The following CNTNAP2 variants were observed in gnomAD, a reference collection of about 807,000 sequenced individuals.
CNTNAP2 encodes contactin associated protein 2, also known as contactin-associated protein-like 2.
A neutral mutation model predicts 155.2 loss-of-function variants in CNTNAP2; 98 were observed. The ratio of observed to expected loss-of-function variants is 0.63; its 90% CI spans 0.54 to 0.75. The LOEUF is 0.75. Among genes scored for constraint, CNTNAP2 ranks in the 30% least tolerant of loss-of-function variants. The pLI, the probability that CNTNAP2 is intolerant of heterozygous loss-of-function variation, is 0.00. For synonymous variants in CNTNAP2, 651 were observed against 631.2 expected, an observed-to-expected ratio of 1.03 and a Z score of -0.47; for missense variants, 1,727 against 1,688.1, an observed-to-expected ratio of 1.02 and a Z score of -0.40.
chr7:147,580,960 T>G (rs1319573605), intron 12 of CNTNAP2, among the ~76,000 whole-genome samples: 2 of 152,230 alleles, frequency 1.3e-5, no homozygotes, highest in African/African-American at 4.8e-5. Flanking sequence ...CACTGACATT[T>G]TGAGCATTTA....
chr7:146,666,283 A>G (rs1359925036), intron 1 of CNTNAP2, among the ~76,000 whole-genome samples: 2 of 152,174 alleles, frequency 1.3e-5, no homozygotes, highest in Non-Finnish European at 2.9e-5. Context: ...GTCACTTAAC[A>G]TAGTATCTAT....
rs554295811 is a variant in CNTNAP2, at chr7:146,932,436, G to T, written c.402+92532G>T. On this transcript the variant is annotated intron_variant, in intron 3 of 23. Coordinates refer to ENST00000361727, the MANE Select transcript of CNTNAP2 (RefSeq NM_014141.6). ...AAATTAGGTATTGATGGGATGTATG[G>T]CAAAATAATAAGAGCTATCTATGAC... Among the ~76,000 whole-genome samples the T allele has an allele frequency of 4.9e-3, 736 of 149,382 alleles. 6 individuals carry two copies. The highest frequency in any genetic ancestry group is 0.018 in the African/African-American group (705 of 38,878).
At chr7:147,364,548 G>T (rs953142213) in intron 9 of CNTNAP2, among the ~76,000 whole-genome samples, 1 of 152,158 alleles carries the variant, frequency 6.6e-6, no homozygotes, top group African/African-American at 2.4e-5. Context: ...GTCATTCCTT[G>T]ATGTTAATGG....
intron 14 of CNTNAP2, among the ~76,000 whole-genome samples, chr7:147,937,962 C>A (rs374705206): frequency 2.6e-5 from 4 of 152,080 alleles, no homozygotes; most frequent in African/African-American, 9.7e-5. Context: ...TCTATCTTAA[C>A]CATGGTTAAT....
chr7:146,376,179 G>A (rs1159005399), intron 1 of CNTNAP2, among the ~76,000 whole-genome samples: 1 of 152,098 alleles, frequency 6.6e-6, no homozygotes, highest in African/African-American at 2.4e-5. Flanking sequence ...ACCTAATTTA[G>A]AAGTTTGCTA....
At chr7:146,744,431 G>C (rs1452810618) in intron 1 of CNTNAP2, among the ~76,000 whole-genome samples, 1 of 152,058 alleles carries the variant, frequency 6.6e-6, no homozygotes, top group Non-Finnish European at 1.5e-5. Context: ...TTGGTAGAAA[G>C]ATCTGATTCT....
At chr7:147,876,734 C>T (rs1045927072) in intron 13 of CNTNAP2, among the ~76,000 whole-genome samples, 2 of 151,966 alleles carry the variant, frequency 1.3e-5, no homozygotes, top group African/African-American at 2.4e-5. Flanking sequence ...TTCTAGGAAG[C>T]CTGAACGTAG....
At chr7:146,424,321 A>G (rs115935662) in intron 1 of CNTNAP2, among the ~76,000 whole-genome samples, 296 of 152,330 alleles carry the variant, frequency 1.9e-3, no homozygotes, top group African/African-American at 7.0e-3. Flanking sequence ...CAGCAAAAGG[A>G]TACAAAGCAA....
intron 9 of CNTNAP2, among the ~76,000 whole-genome samples, chr7:147,393,442 C>A (rs1796756729): frequency 6.8e-6 from 1 of 148,080 alleles, no homozygotes; most frequent in Non-Finnish European, 1.5e-5. Context: ...ATTTTGAAAT[C>A]TTTCAAAGCT....
intron 1 of CNTNAP2, among the ~76,000 whole-genome samples, chr7:146,188,958 C>T (rs1272842360): frequency 2.0e-5 from 3 of 152,040 alleles, no homozygotes; most frequent in African/African-American, 4.8e-5. Context: ...GGAGGGAGGG[C>T]CTGAGCTTCT....
chr7:147,084,936 A>G (rs905882593), intron 4 of CNTNAP2, among the ~76,000 whole-genome samples: 1 of 151,310 alleles, frequency 6.6e-6, no homozygotes, highest in African/African-American at 2.4e-5. Context: ...TAATATCTCA[A>G]GTTTACATTG....
At chr7:147,496,269 T>C (rs1798706596) in intron 11 of CNTNAP2, among the ~76,000 whole-genome samples, 1 of 152,158 alleles carries the variant, frequency 6.6e-6, no homozygotes. Context: ...GAAACCAGTC[T>C]CTGGTGCCAA....
At chr7:147,644,601 G>T (rs916359834) in intron 13 of CNTNAP2, among the ~76,000 whole-genome samples, 5 of 152,134 alleles carry the variant, frequency 3.3e-5, no homozygotes, top group African/African-American at 1.2e-4. Context: ...CAACCTGGGC[G>T]ATAGAGCGAG....
At chr7:146,924,645 A>G (rs1796568864) in intron 3 of CNTNAP2, among the ~76,000 whole-genome samples, 1 of 152,096 alleles carries the variant, frequency 6.6e-6, no homozygotes, top group Non-Finnish European at 1.5e-5. Flanking sequence ...TGAGATAAAT[A>G]TATCACTCTA....
chr7:148,404,750 G>C (rs897623031), intron 22 of CNTNAP2, among the ~76,000 whole-genome samples: 1 of 152,174 alleles, frequency 6.6e-6, no homozygotes, highest in African/African-American at 2.4e-5. Flanking sequence ...GGAAGAATCA[G>C]GTCACACAGT....
At chr7:147,569,036 G>C (rs1179058749) in intron 12 of CNTNAP2, among the ~76,000 whole-genome samples, 1 of 152,044 alleles carries the variant, frequency 6.6e-6, no homozygotes, top group Non-Finnish European at 1.5e-5. Flanking sequence ...TACTCCTCTT[G>C]CATTCTTCCT....
intron 6 of CNTNAP2, among the ~76,000 whole-genome samples, chr7:147,125,756 G>A (rs982794431): frequency 6.6e-6 from 1 of 152,166 alleles, no homozygotes; most frequent in African/African-American, 2.4e-5. Context: ...CCCCTTTGAT[G>A]AAATGAATCT....
chr7:147,273,435 T>G (rs1310162086), intron 8 of CNTNAP2, among the ~76,000 whole-genome samples: 1 of 152,170 alleles, frequency 6.6e-6, no homozygotes, highest in Non-Finnish European at 1.5e-5. Flanking sequence ...ATGGTGAAAT[T>G]TGGGCTACTA....
chr7:147,733,323 T>C (rs1411778868), intron 13 of CNTNAP2, among the ~76,000 whole-genome samples: 1 of 152,210 alleles, frequency 6.6e-6, no homozygotes, highest in Non-Finnish European at 1.5e-5. Context: ...AAAGATCAGA[T>C]AGTTGTAGAT....
Sources: gnomAD v4.1 joint callset for allele counts (sites outside exome capture counted in the v4.1 genomes callset) on GRCh38, gnomAD v4.1.1 for gene constraint, MANE v1.5 for transcripts, NCBI Gene and HGNC (gene_info 2026-07-23, HGNC 2026-07-21) for gene names.